Variants in MMP28 observed in about 807,000 individuals in gnomAD.
MMP28 encodes the protein matrix metalloproteinase-28.
Under a neutral mutation model 60.5 loss-of-function variants are expected in MMP28, and 55 were observed. The observed-to-expected ratio is 0.91, with a 90% CI of 0.73 to 1.14. The LOEUF (loss-of-function observed/expected upper bound fraction) is 1.14. Among genes scored for constraint, MMP28 ranks in the 50% most tolerant of loss-of-function variants. The pLI is 0.00. For missense variants in MMP28, 686 were observed against 738.3 expected (o/e 0.93, Z 0.82); for synonymous variants, 318 against 312.5 (o/e 1.02, Z -0.18).
chr17:35,756,463 T>G (rs1450870025), intron 2 of MMP28: 1 of 964,238 alleles, frequency 1.0e-6, no homozygotes, highest in Non-Finnish European at 1.2e-6. Context: ...ACCAAGTTCC[T>G]CTTTCATTTT....
chr17:35,786,037 G>A (rs534399008), intron 1 of MMP28, among the ~76,000 whole-genome samples: 54 of 151,492 alleles, frequency 3.6e-4, no homozygotes, highest in African/African-American at 1.3e-3. Context: ...GTAGGTGAGC[G>A]TGTAGTACTC....
intron 1 of MMP28, among the ~76,000 whole-genome samples, chr17:35,784,990 A>G (rs2086607309): frequency 1.3e-5 from 2 of 152,184 alleles, no homozygotes; most frequent in African/African-American, 4.8e-5. Context: ...ACTCTGGCCT[A>G]AAAGCTTGTG....
At chr17:35,756,915 G>A (rs1291422114) in intron 2 of MMP28, among the ~76,000 whole-genome samples, 2 of 151,980 alleles carry the variant, frequency 1.3e-5, no homozygotes, top group Non-Finnish European at 2.9e-5. Context: ...TAAAAAGACT[G>A]GGCCGGACAC....
At chr17:35,792,087 TG>T (rs2086829643) in intron 1 of MMP28, among the ~76,000 whole-genome samples, 1 of 152,118 alleles carries the variant, frequency 6.6e-6, no homozygotes, top group Non-Finnish European at 1.5e-5. Flanking sequence ...GCTCACTTTC[TG>T]GGTTTTCCTT....
Position 35,767,811 on chromosome 17 carries a change from G to A in MMP28, c.1109C>T (p.Pro370Leu). The A allele has an allele frequency of 6.2e-7, 1 of 1,605,454 alleles. No individual in the cohort carries two copies. Among genetic ancestry groups the A allele is most frequent in the Non-Finnish European group, 8.5e-7 (1 of 1,176,112 alleles). The change falls in exon 7 of 8, where the codon CCC (proline) becomes CTC (leucine). Residue 370 changes from proline (P) to leucine (L), a missense_variant. Physicochemically the swap from Pro to Leu is moderately conservative, Grantham distance 98 (BLOSUM62 -3). Coordinates refer to ENST00000605424, the MANE Select transcript of MMP28 (RefSeq NM_024302.5). ...CACTGCCGCAGCCTCAATGTTGGGG[G>A]GCAGCCCGACCCATCTTTCCTGCAG... ...RPLQERWVGL[P>L]PNIEAAAVSL...
rs567600282 is a variant in MMP28 at position 35,792,693 on chromosome 17, C to T, written c.111+2574G>A. ...AAATAGTTGCCTTACATATTTTGTC[C>T]TGTATTATTGTTGTGGGGGAGCTAG... is the stretch of plus-strand genomic sequence containing the variant. On this transcript the variant is annotated intron_variant, in intron 1 of 7. Transcript: ENST00000605424. Among the ~76,000 whole-genome samples the T allele has an allele frequency of 1.8e-4, 28 of 152,222 alleles. No homozygotes were observed. The South Asian group carries it at 5.8e-3, about 32-fold the overall frequency.
downstream of MMP28, among the ~76,000 whole-genome samples, chr17:35,763,122 CAAAAAA>C (rs56180495): frequency 9.7e-6 from 1 of 103,146 alleles, no homozygotes. Context: ...ACTCCGTCTC[CAAAAAA>C]AAAAAAAAAA....
intron 7 of MMP28, among the ~76,000 whole-genome samples, 198 bp downstream of exon 7, chr17:35,767,554 G>A (rs994366200): frequency 5.9e-5 from 9 of 152,178 alleles, no homozygotes. Context: ...CTGGGACTTT[G>A]ACACTTGCTG....
At chr17:35,763,897 A>AAAATAAATAAATAAATAAAT (rs35027942), downstream of MMP28, 5,035 of 654,188 alleles carry the variant, frequency 7.7e-3, 53 homozygotes, top group Admixed American at 0.013. Flanking sequence ...ACCCTGTCTC[A>AAAATAAATAAATAAATAAAT]AAATAAATAA....
intron 1 of MMP28, among the ~76,000 whole-genome samples, chr17:35,793,317 G>A (rs920246048): frequency 4.6e-5 from 7 of 152,198 alleles, no homozygotes; most frequent in African/African-American, 1.7e-4. Flanking sequence ...ATATGCCTCT[G>A]TTCCCTTGCG....
chr17:35,782,090 C>T (rs939007897), intron 1 of MMP28, among the ~76,000 whole-genome samples: 8 of 144,178 alleles, frequency 5.5e-5, no homozygotes, highest in East Asian at 2.0e-4. Flanking sequence ...CTCGCTCTGT[C>T]GCCCAGGCTG....
intron 3 of MMP28, among the ~76,000 whole-genome samples, chr17:35,775,944 G>C (rs908345993): frequency 4.6e-5 from 7 of 152,066 alleles, no homozygotes; most frequent in African/African-American, 1.7e-4. Flanking sequence ...TGCCATCCGG[G>C]CTCACTGCAA....
At chr17:35,776,308 A>T (rs922470413) in intron 3 of MMP28, among the ~76,000 whole-genome samples, 1 of 151,774 alleles carries the variant, frequency 6.6e-6, no homozygotes, top group African/African-American at 2.4e-5. Context: ...AGTATCTGGG[A>T]TTACAGGTGC....
At chr17:35,789,299 T>C (rs1421814225) in intron 1 of MMP28, among the ~76,000 whole-genome samples, 1 of 152,124 alleles carries the variant, frequency 6.6e-6, no homozygotes, top group Non-Finnish European at 1.5e-5. Flanking sequence ...AGCCAAACAG[T>C]GTTAGAGCTA....
downstream of MMP28, chr17:35,763,938 A>AAATAAATAAATAAATG (rs1568121389): frequency 3.7e-6 from 4 of 1,077,316 alleles, no homozygotes; most frequent in Non-Finnish European, 4.8e-6. Context: ...ATAAATAAAT[A>AAATAAATAAATAAATG]CATGAAAAAT....
intron 5 of MMP28, among the ~76,000 whole-genome samples, 155 bp from the exon 6 acceptor site, chr17:35,768,534 A>G (rs2086017926): frequency 6.6e-6 from 1 of 152,158 alleles, no homozygotes; most frequent in South Asian, 2.1e-4. Flanking sequence ...TTCCTGGGCC[A>G]GGAATGGTGG....
At chr17:35,777,014 A>T (rs1028219079) in intron 3 of MMP28, among the ~76,000 whole-genome samples, 5 of 152,262 alleles carry the variant, frequency 3.3e-5, no homozygotes, top group Non-Finnish European at 7.3e-5. Flanking sequence ...CCCGGAGCTC[A>T]GGTCAAAGTA....
At chr17:35,790,509 G>A (rs1297916610) in intron 1 of MMP28, among the ~76,000 whole-genome samples, 1 of 152,142 alleles carries the variant, frequency 6.6e-6, no homozygotes, top group African/African-American at 2.4e-5. Context: ...CATCAATTAG[G>A]TCAAGAAGGT....
downstream of MMP28, chr17:35,761,088 C>T (rs587752520): frequency 2.3e-5 from 20 of 868,272 alleles, no homozygotes; most frequent in African/African-American, 1.4e-4. Flanking sequence ...CCTCTCCTTT[C>T]GCCTTCCTGA....
Sources: gnomAD v4.1 joint callset for allele counts (sites outside exome capture counted in the v4.1 genomes callset) on GRCh38, gnomAD v4.1.1 for gene constraint, MANE v1.5 for transcripts, NCBI Gene and HGNC (gene_info 2026-07-23, HGNC 2026-07-21) for gene names.